TNFRSF10B: variants seen among roughly 807,000 people sequenced by gnomAD.
The protein encoded by TNFRSF10B is tumor necrosis factor receptor superfamily member 10B.
A neutral mutation model predicts 41.4 loss-of-function variants in TNFRSF10B; 35 were observed. The ratio of observed to expected loss-of-function variants is 0.85; its 90% CI spans 0.65 to 1.12. The LOEUF (loss-of-function observed/expected upper bound fraction) is 1.12. TNFRSF10B is among the 50% of genes most tolerant of loss of function. The pLI is 0.00. For missense variants in TNFRSF10B, 584 were observed against 552.7 expected (o/e 1.06, Z -0.57); for synonymous variants, 230 against 215.5 (o/e 1.07, Z -0.59).
intron 6 of TNFRSF10B, 58 bp downstream of exon 6, chr8:23,027,664 G>A (rs878995937): frequency 1.4e-5 from 23 of 1,611,456 alleles, no homozygotes; most frequent in Admixed American, 6.7e-5. Context: ...AGGTTCTGCT[G>A]TCCCAGGAAG....
At chr8:23,027,381 T>C (rs1811735062) in intron 6 of TNFRSF10B, 93 bp from the exon 7 acceptor site, 1 of 1,496,480 alleles carries the variant, frequency 6.7e-7, no homozygotes, top group African/African-American at 1.4e-5. Context: ...GCACCTGACA[T>C]CCCCACCCCC....
chr8:23,041,642 G>C (rs1253396757), intron 2 of TNFRSF10B, among the ~76,000 whole-genome samples: 1 of 151,148 alleles, frequency 6.6e-6, no homozygotes, highest in African/African-American at 2.4e-5. Flanking sequence ...CTTACTAGGA[G>C]TGAAGAAAAC....
chr8:23,046,559 C>T (rs868791073), intron 1 of TNFRSF10B, among the ~76,000 whole-genome samples: 2 of 150,550 alleles, frequency 1.3e-5, no homozygotes, highest in Non-Finnish European at 2.9e-5. Context: ...TATCAAAATT[C>T]CAATATCATT....
At chr8:23,059,027 C>T (rs59722086) in intron 1 of TNFRSF10B, among the ~76,000 whole-genome samples, 25,914 of 152,104 alleles carry the variant, frequency 0.17, 2,956 homozygotes, top group East Asian at 0.48. Flanking sequence ...TCCTTACAAC[C>T]GCTGGCATCC....
At chr8:23,027,053 A>G in intron 7 of TNFRSF10B, 80 bp downstream of exon 7, 1 of 1,605,684 alleles carries the variant, frequency 6.2e-7, no homozygotes, top group Non-Finnish European at 8.5e-7. Context: ...AGGAGAGCTA[A>G]GGCACTGCCC....
In TNFRSF10B at chr8:23,022,630, G is replaced by C. The variant is rs1361862052; in HGVS notation, c.*41C>G. On this transcript the variant is annotated 3_prime_UTR_variant, in exon 9 of 9. Transcript: ENST00000276431. ...CCAGTTGGGCTTTTTCCAGAAAAAA[G>C]GTAAACCAGGGAAGGTCTGACTTCC... is the stretch of plus-strand genomic sequence containing the variant. 6.2e-7 allele frequency: 1 copy of C among 1,612,116 alleles called. No homozygotes were observed. Among genetic ancestry groups the C allele is most frequent in the Middle Eastern group, 1.7e-4 (1 of 6,058 alleles).
chr8:23,063,724 A>G (rs761603828), intron 1 of TNFRSF10B, among the ~76,000 whole-genome samples: 4 of 152,166 alleles, frequency 2.6e-5, no homozygotes, highest in Non-Finnish European at 5.9e-5. Context: ...AATGCTGTCC[A>G]GGCCACACCT....
chr8:23,052,866 C>G lies in TNFRSF10B; in HGVS notation c.145-9623G>C, dbSNP rs1812564782. The stretch of plus-strand genomic sequence containing the variant: ...TTAAATTCTAGATACGGCCTGGGGA[C>G]ATGTGAAATTAGCCATGTCCCCTAG... On this transcript the variant is annotated intron_variant, in intron 1 of 8. Transcript: ENST00000276431. Among the ~76,000 whole-genome samples, 3 of 152,040 alleles carry G rather than the reference C, an allele frequency of 2.0e-5. No individual in the cohort carries two copies. In the South Asian group the frequency reaches 6.2e-4, roughly 32 times the overall value.
chr8:23,048,545 ATTGGT>A (rs1812432188), intron 1 of TNFRSF10B, among the ~76,000 whole-genome samples: 1 of 152,090 alleles, frequency 6.6e-6, no homozygotes, highest in Admixed American at 6.6e-5. Context: ...GGTACAAACC[ATTGGT>A]TAGACAGGAG....
chr8:23,020,343 C>T lies in TNFRSF10B; in HGVS notation c.*2328G>A. The T allele has an allele frequency of 2.2e-6, 1 of 454,062 alleles. No homozygotes were observed. Among genetic ancestry groups the T allele is most frequent in the Non-Finnish European group, 4.4e-6 (1 of 226,786 alleles). 28.1% of individuals were successfully genotyped at this position (454,062 alleles called of 1,614,324 possible). A position where few individuals can be genotyped will look rare whatever the true frequency, so the allele number is the denominator to read the frequency against. ...TATTTGGCCTGGGGATATAGCAAAGCCTAATGTAACTAAACAACAAAACCC... is the reference window on the plus strand; with the variant it reads ...TATTTGGCCTGGGGATATAGCAAAGTCTAATGTAACTAAACAACAAAACCC... On this transcript the variant is annotated 3_prime_UTR_variant, in exon 9 of 9. Transcript: ENST00000276431.
intron 1 of TNFRSF10B, among the ~76,000 whole-genome samples, chr8:23,056,762 C>T (rs1431750426): frequency 6.6e-6 from 1 of 151,956 alleles, no homozygotes; most frequent in Non-Finnish European, 1.5e-5. Flanking sequence ...TCCTTTGAAC[C>T]ATGGATTATT....
rs779776441 is a variant in TNFRSF10B at position 23,022,654 on chromosome 8, C to G, written c.*17G>C. On this transcript the variant is annotated 3_prime_UTR_variant, in exon 9 of 9. Coordinates refer to ENST00000276431, the MANE Select transcript of TNFRSF10B (RefSeq NM_003842.5). Reference sequence around the variant, plus strand: ...AGGTAAACCAGGGAAGGTCTGACTTCCTGAAGAGAATCACACTTAGGACAT... The same window carrying G: ...AGGTAAACCAGGGAAGGTCTGACTTGCTGAAGAGAATCACACTTAGGACAT... 5.0e-6 allele frequency: 8 copies of G among 1,613,856 alleles called. No homozygotes were observed. In the African/African-American group the frequency reaches 8.0e-5, roughly 16 times the overall value.
chr8:23,055,947 T>C (rs561123074), intron 1 of TNFRSF10B, among the ~76,000 whole-genome samples: 2 of 152,332 alleles, frequency 1.3e-5, no homozygotes, highest in Admixed American at 6.5e-5. Context: ...TGAAACACTT[T>C]GTAATTTTGA....
chr8:23,061,015 T>C (rs546268741), intron 1 of TNFRSF10B, among the ~76,000 whole-genome samples: 12 of 152,296 alleles, frequency 7.9e-5, no homozygotes, highest in African/African-American at 2.9e-4. Context: ...TACTACTAAA[T>C]AAAAATTAAA....
intron 1 of TNFRSF10B, among the ~76,000 whole-genome samples, chr8:23,055,916 G>C (rs182749904): frequency 6.6e-6 from 1 of 152,300 alleles, no homozygotes; most frequent in Admixed American, 6.5e-5. Context: ...TAGACATATA[G>C]GTTAGAAAGG....
chr8:23,022,537 GTTGGA>G lies in TNFRSF10B; in HGVS notation c.*129_*133del. On this transcript the variant is annotated 3_prime_UTR_variant, in exon 9 of 9. Transcript: ENST00000276431. ...CAGGATGTTCCATCCACTGGGTGAT[GTTGGA>G]TGGGAGAGTTTCTTCCAGTACCGGT... is the stretch of plus-strand genomic sequence containing the variant. The G allele has an allele frequency of 1.1e-6, 1 of 920,002 alleles. No homozygotes were observed. The highest frequency in any genetic ancestry group is 1.7e-6 in the Non-Finnish European group (1 of 577,958). 57.0% of individuals were successfully genotyped at this position (920,002 alleles called of 1,614,324 possible).
In TNFRSF10B at chr8:23,033,831, G is replaced by A. The variant is rs528465009; in HGVS notation, c.251-2959C>T. On this transcript the variant is annotated intron_variant, in intron 2 of 8. Coordinates refer to ENST00000276431, the MANE Select transcript of TNFRSF10B (RefSeq NM_003842.5). Reference sequence around the variant, plus strand: ...GGGGGGAGAGAGAGAGCGAGCAAGCGAGAGAGAGCAAGTTGTCTGGGTCTT... The same window carrying A: ...GGGGGGAGAGAGAGAGCGAGCAAGCAAGAGAGAGCAAGTTGTCTGGGTCTT... Among the ~76,000 whole-genome samples, 21 of 152,102 alleles carry A rather than the reference G, an allele frequency of 1.4e-4. No individual in the cohort carries two copies. The South Asian group carries it at 2.1e-3, about 15-fold the overall frequency.
At position 23,067,947 on chromosome 8, in the gene TNFRSF10B, A is replaced by G. The variant is rs530001188; in HGVS notation, c.144+804T>C. The stretch of plus-strand genomic sequence containing the variant: ...GCCCCAAGCGCAGTTCCAGGCGCTG[A>G]GCACACCATGCTGTTCCCTACAAAG... On this transcript the variant is annotated intron_variant, in intron 1 of 8. Coordinates refer to ENST00000276431, the MANE Select transcript of TNFRSF10B (RefSeq NM_003842.5). Among the ~76,000 whole-genome samples, 23 of 152,318 alleles carry G rather than the reference A, an allele frequency of 1.5e-4. No homozygotes were observed. In the South Asian group the frequency reaches 1.7e-3, roughly 11 times the overall value.
chr8:23,046,742 G>A (rs377349197), intron 1 of TNFRSF10B, among the ~76,000 whole-genome samples: 15 of 151,890 alleles, frequency 9.9e-5, no homozygotes, highest in East Asian at 1.9e-4. Context: ...AGCATGGCAC[G>A]GGTATAAAAA....
Sources: allele counts gnomAD v4.1 joint callset (sites outside exome capture counted in the v4.1 genomes callset), GRCh38; gene constraint gnomAD v4.1.1; transcripts MANE v1.5; gene names NCBI Gene and HGNC (gene_info 2026-07-23, HGNC 2026-07-21).